Variants in MTUS1 observed in about 807,000 individuals in gnomAD.
MTUS1 encodes the protein microtubule associated scaffold protein 1.
Under a neutral mutation model 120.8 loss-of-function variants are expected in MTUS1, and 109 were observed. That is an observed-to-expected ratio of 0.90 (90% CI 0.77 to 1.06). The LOEUF is 1.06. MTUS1 is among the 50% of genes least tolerant of loss of function. The probability of loss-of-function intolerance (pLI) is 0.00; values close to 1 mark genes in which losing one functional copy is unlikely to be tolerated. For missense variants in MTUS1, 2,210 were observed against 1,486.3 expected (o/e 1.49, Z -8.01); for synonymous variants, 737 against 550.5 (o/e 1.34, Z -4.74).
chr8:17,653,030 C>G (rs566262698), intron 12 of MTUS1, among the ~76,000 whole-genome samples, 156 bp downstream of exon 12: 2 of 152,202 alleles, frequency 1.3e-5, no homozygotes, highest in Admixed American at 1.3e-4. Flanking sequence ...CGCCAGTAAG[C>G]AAAGCAGTTG....
chr8:17,695,583 G>A (rs1240061739), intron 6 of MTUS1, among the ~76,000 whole-genome samples: 1 of 152,134 alleles, frequency 6.6e-6, no homozygotes, highest in Non-Finnish European at 1.5e-5. Context: ...GTTTGCTTAC[G>A]CTGTCTTGGA....
chr8:17,683,547 T>G (rs567808667), intron 7 of MTUS1, among the ~76,000 whole-genome samples: 13 of 152,306 alleles, frequency 8.5e-5, no homozygotes, highest in African/African-American at 2.9e-4. Flanking sequence ...CCTCCTCGTC[T>G]TCCCAAAATG....
At chr8:17,651,446 C>A (rs78590013) in intron 12 of MTUS1, among the ~76,000 whole-genome samples, 6 of 151,940 alleles carry the variant, frequency 3.9e-5, no homozygotes, top group African/African-American at 1.5e-4. Context: ...ACACATCACA[C>A]GTACCCCATA....
chr8:17,670,373 A>G (rs1237833910), intron 8 of MTUS1, among the ~76,000 whole-genome samples: 1 of 152,222 alleles, frequency 6.6e-6, no homozygotes, highest in Non-Finnish European at 1.5e-5. Flanking sequence ...ACAGCTGGCA[A>G]TGAAACCCTT....
intron 2 of MTUS1, chr8:17,748,289 T>C (rs925956292): frequency 6.6e-6 from 1 of 150,598 alleles, no homozygotes; most frequent in Non-Finnish European, 1.5e-5. Context: ...GGGAAGATTA[T>C]CTGCCCGTCC....
intron 1 of MTUS1, among the ~76,000 whole-genome samples, chr8:17,798,377 G>A (rs138326519): frequency 6.6e-6 from 1 of 152,064 alleles, no homozygotes; most frequent in Admixed American, 6.6e-5. Context: ...CTGTTGCCCA[G>A]GCTGGAGTGC....
At chr8:17,650,346 G>A (rs1173190851) in intron 12 of MTUS1, among the ~76,000 whole-genome samples, 1 of 152,112 alleles carries the variant, frequency 6.6e-6, no homozygotes, top group Admixed American at 6.5e-5. Flanking sequence ...CAAACAAACT[G>A]ATCAGGAAAG....
chr8:17,683,112 A>C (rs919019341), intron 7 of MTUS1, among the ~76,000 whole-genome samples: 1 of 152,156 alleles, frequency 6.6e-6, no homozygotes, highest in African/African-American at 2.4e-5. Flanking sequence ...CTCTACTAAA[A>C]ATACAAAAAA....
chr8:17,744,822 C>G (rs926158281), intron 2 of MTUS1, among the ~76,000 whole-genome samples: 2 of 151,460 alleles, frequency 1.3e-5, no homozygotes, highest in Non-Finnish European at 2.9e-5. Context: ...GGATTACAGG[C>G]GTGAGCCAAT....
intron 6 of MTUS1, among the ~76,000 whole-genome samples, chr8:17,709,738 G>C (rs570789626): frequency 6.6e-6 from 1 of 152,168 alleles, no homozygotes; most frequent in African/African-American, 2.4e-5. Context: ...GCCAGGCGTG[G>C]TGGCTCACAC....
At chr8:17,798,942 T>C (rs548045307) in intron 1 of MTUS1, among the ~76,000 whole-genome samples, 1 of 152,274 alleles carries the variant, frequency 6.6e-6, no homozygotes, top group South Asian at 2.1e-4. Context: ...TTCTTTGGTG[T>C]TCAAATCATC....
chr8:17,670,284 G>C (rs1811749336), intron 8 of MTUS1, among the ~76,000 whole-genome samples: 1 of 152,196 alleles, frequency 6.6e-6, no homozygotes, highest in South Asian at 2.1e-4. Context: ...TCTGCAGCTT[G>C]GGAAGGAGAG....
chr8:17,728,800 T>C (rs1409519950), intron 3 of MTUS1, among the ~76,000 whole-genome samples: 1 of 151,532 alleles, frequency 6.6e-6, no homozygotes, highest in Non-Finnish European at 1.5e-5. Context: ...TCGGGGAGGG[T>C]GAGGCTTTTT....
rs559377045 is a variant in MTUS1 at position 17,774,925 on chromosome 8, T to A, written c.-154-18964A>T. ...TATTCAGCCATAAAAAAGAATGAAATTCTGTTACATGCTGCAACATGGCTG... is the reference window on the plus strand; with the variant it reads ...TATTCAGCCATAAAAAAGAATGAAAATCTGTTACATGCTGCAACATGGCTG... On this transcript the variant is annotated intron_variant, in intron 1 of 14. Coordinates refer to ENST00000693296, the MANE Select transcript of MTUS1 (RefSeq NM_001363059.2). 2.1e-5 allele frequency among the ~76,000 whole-genome samples: 3 copies of A among 145,758 alleles called. No homozygotes were observed. In the East Asian group the frequency reaches 6.0e-4, roughly 29 times the overall value.
chr8:17,746,241 C>T (rs1392278455), intron 2 of MTUS1, among the ~76,000 whole-genome samples: 2 of 152,202 alleles, frequency 1.3e-5, no homozygotes, highest in Admixed American at 6.5e-5. Context: ...TCAATTGCCA[C>T]GTGTACACTG....
rs1442327669 is a variant in MTUS1, at chr8:17,723,644, C to T, written c.2449+28G>A. 10 of 1,596,556 alleles carry T rather than the reference C, an allele frequency of 6.3e-6. No homozygotes were observed. The African/African-American group carries it at 1.2e-4, about 19-fold the overall frequency. Reference sequence around the variant, plus strand: ...TCTTGTAATGACTGTTTCCACAACCCCCGAAGTGTGATATAAAGTCGACTT... The same window carrying T: ...TCTTGTAATGACTGTTTCCACAACCTCCGAAGTGTGATATAAAGTCGACTT... On this transcript the variant is annotated intron_variant, in intron 4 of 14. Coordinates refer to ENST00000693296, the MANE Select transcript of MTUS1 (RefSeq NM_001363059.2).
chr8:17,662,089 G>A (rs913756930), intron 8 of MTUS1, among the ~76,000 whole-genome samples: 9 of 152,084 alleles, frequency 5.9e-5, no homozygotes, highest in African/African-American at 2.2e-4. Context: ...CCCGATTTTA[G>A]GCCATGGACT....
chr8:17,650,990 AAGGGG>A (rs1422964747), intron 12 of MTUS1, among the ~76,000 whole-genome samples: 1 of 152,160 alleles, frequency 6.6e-6, no homozygotes, highest in African/African-American at 2.4e-5. Context: ...AGAATCCAGG[AAGGGG>A]CCTCGGGGAT....
chr8:17,646,661 C>T (rs757769194), intron 14 of MTUS1, among the ~76,000 whole-genome samples: 7 of 152,056 alleles, frequency 4.6e-5, no homozygotes, highest in Middle Eastern at 3.2e-3. Context: ...TGCAAATATT[C>T]GACATGTTTT....
Sources: gnomAD v4.1 joint callset for allele counts (sites outside exome capture counted in the v4.1 genomes callset) on GRCh38, gnomAD v4.1.1 for gene constraint, MANE v1.5 for transcripts, NCBI Gene and HGNC (gene_info 2026-07-23, HGNC 2026-07-21) for gene names.